GHRL: variants seen among roughly 807,000 people sequenced by gnomAD.
GHRL encodes appetite-regulating hormone.
GHRL carries 24 observed loss-of-function variants against 16.9 expected under a neutral mutation model. That is an observed-to-expected ratio of 1.42 (90% CI 1.03 to 2.00). GHRL has a LOEUF of 2.00. Ranked by LOEUF, GHRL falls within the 30% of genes most tolerant of loss-of-function variation. The pLI, the probability that GHRL is intolerant of heterozygous loss-of-function variation, is 0.00. For synonymous variants in GHRL, 63 were observed against 58.2 expected, an observed-to-expected ratio of 1.08 and a Z score of -0.37; for missense variants, 193 against 142.1, an observed-to-expected ratio of 1.36 and a Z score of -1.82.
rs1179742196 is a variant in GHRL, at chr3:10,291,330, G to T, written c.-644C>A. 2 of 985,400 alleles carry T rather than the reference G, an allele frequency of 2.0e-6. No individual in the cohort carries two copies. The highest frequency in any genetic ancestry group is 2.4e-6 in the Non-Finnish European group (2 of 829,996). 61.0% of individuals were successfully genotyped at this position (985,400 alleles called of 1,614,324 possible). The stretch of plus-strand genomic sequence containing the variant: ...CAGTGGCTATGCTTCAGTCATTTCT[G>T]CCAGGTGTGACATGACTGCCTGGCC... On this transcript the variant is annotated 5_prime_UTR_variant, in exon 2 of 6. Transcript: ENST00000335542.
At chr3:10,289,723 C>T (rs763472764) in intron 4 of GHRL, 39 bp downstream of exon 4, 2 of 1,300,382 alleles carry the variant, frequency 1.5e-6, no homozygotes, top group Admixed American at 3.4e-5. Flanking sequence ...CCCCACCCTC[C>T]TCGCTGCCAC....
intron 1 of GHRL, 164 bp downstream of exon 1, chr3:10,292,678 G>A (rs560755057): frequency 1.7e-6 from 1 of 584,998 alleles, no homozygotes; most frequent in South Asian, 2.2e-5. Context: ...TGGCCCTGGA[G>A]CCCAGAGAGG....
At position 10,290,721 on chromosome 3, in the gene GHRL, G is replaced by C; in HGVS notation, c.-35C>G. 1.0e-6 allele frequency: 1 copy of C among 1,002,006 alleles called. No individual in the cohort carries two copies. The highest frequency in any genetic ancestry group is 1.2e-6 in the Non-Finnish European group (1 of 840,332). 62.1% of individuals were successfully genotyped at this position (1,002,006 alleles called of 1,614,324 possible). ...GGAGAGTAGAGAGAGCTTACCTGCA[G>C]TTCCTGGCGGAGGTGGTGCCTGGTG... On this transcript the variant is annotated 5_prime_UTR_variant, in exon 2 of 6. Transcript: ENST00000335542.
At position 10,290,836 on chromosome 3, in the gene GHRL, A is replaced by G. The variant is rs1699900043; in HGVS notation, c.-150T>C. 7.1e-6 allele frequency: 7 copies of G among 986,482 alleles called. No individual in the cohort carries two copies. Among genetic ancestry groups the G allele is most frequent in the Non-Finnish European group, 7.2e-6 (6 of 830,622 alleles). The allele number at this position is 986,482 out of a possible 1,614,324, so 61.1% of individuals were successfully genotyped here. On this transcript the variant is annotated 5_prime_UTR_variant, in exon 2 of 6. Coordinates refer to ENST00000335542, the MANE Select transcript of GHRL (RefSeq NM_016362.5). ...GGCCTAGCTTCCGTGGGGCTGATGT[A>G]CATTCCTTGGGAACTAAAAATGTTC...
Position 10,292,139 on chromosome 3 carries a change from AG to A in GHRL, c.-765-689del, listed in dbSNP as rs1257025254. 3.3e-5 allele frequency: 5 copies of A among 152,196 alleles called. No homozygotes were observed. The East Asian group carries it at 9.6e-4, about 29-fold the overall frequency. 9.4% of individuals were successfully genotyped at this position (152,196 alleles called of 1,614,324 possible). ...AATGAAAGAGTTGGAAAGACTTTAAAGCTCTGGGAGGCTGAATCCTTTATTT... is the reference window on the plus strand; with the variant it reads ...AATGAAAGAGTTGGAAAGACTTTAAACTCTGGGAGGCTGAATCCTTTATTT... On this transcript the variant is annotated intron_variant, in intron 1 of 5. Transcript: ENST00000335542.
At chr3:10,289,980 A>G in intron 3 of GHRL, 93 bp downstream of exon 3, 1 of 1,525,914 alleles carries the variant, frequency 6.6e-7, no homozygotes, top group South Asian at 1.1e-5. Flanking sequence ...AGAAGACTGA[A>G]GCCCAGAGAT....
rs752643790 is a variant in GHRL, at chr3:10,291,203, G to T, written c.-517C>A. On this transcript the variant is annotated 5_prime_UTR_variant, in exon 2 of 6. Transcript: ENST00000335542. The stretch of plus-strand genomic sequence containing the variant: ...GCCCCGGGAGTCCGCAGGGAGCCAG[G>T]CTGGTGATTCTACACCTTCCCGAGG... The T allele has an allele frequency of 1.5e-4, 149 of 985,530 alleles. No individual in the cohort carries two copies. Among genetic ancestry groups the T allele is most frequent in the Non-Finnish European group, 1.8e-4 (147 of 830,096 alleles). 61.0% of individuals were successfully genotyped at this position (985,530 alleles called of 1,614,324 possible). A position where few individuals can be genotyped will look rare whatever the true frequency, so the allele number is the denominator to read the frequency against.
At position 10,285,910 on chromosome 3, in the gene GHRL, T is replaced by C. The variant is rs373274141; in HGVS notation, c.335-16A>G. Reference sequence around the variant, plus strand: ...GCTGGGGCCTCTGGAAAGCAAGAGGTTGAGTAAGAATGCTGGGTGCACCGT... The same window carrying C: ...GCTGGGGCCTCTGGAAAGCAAGAGGCTGAGTAAGAATGCTGGGTGCACCGT... On this transcript the variant is annotated splice_polypyrimidine_tract_variant and intron_variant, in intron 5 of 5. Coordinates refer to ENST00000335542, the MANE Select transcript of GHRL (RefSeq NM_016362.5). 5.3e-5 allele frequency: 86 copies of C among 1,611,424 alleles called. 1 individual carries two copies. In the South Asian group the frequency reaches 8.5e-4, roughly 16 times the overall value.
intron 1 of GHRL, 157 bp downstream of exon 1, chr3:10,292,685 G>A: frequency 1.7e-6 from 1 of 594,128 alleles, no homozygotes; most frequent in South Asian, 2.1e-5. Flanking sequence ...GGAGCCCAGA[G>A]AGGCTGAATG....
intron 4 of GHRL, among the ~76,000 whole-genome samples, chr3:10,288,662 G>A (rs1005431808): frequency 6.6e-6 from 1 of 152,254 alleles, no homozygotes; most frequent in Non-Finnish European, 1.5e-5. Context: ...TGCTGGTGAG[G>A]ATGAAAGCGA....
chr3:10,286,551 T>C (rs1361689742), intron 5 of GHRL, among the ~76,000 whole-genome samples, 153 bp downstream of exon 5: 1 of 152,208 alleles, frequency 6.6e-6, no homozygotes, highest in African/African-American at 2.4e-5. Flanking sequence ...CACTCACAAA[T>C]ACTAGCCAAC....
At chr3:10,286,676 G>T in intron 5 of GHRL, 28 bp downstream of exon 5, 1 of 1,277,102 alleles carries the variant, frequency 7.8e-7, no homozygotes, top group East Asian at 2.3e-5. Context: ...CAAGGAAACC[G>T]AGCAAACCCA....
chr3:10,292,756 C>T (rs1487891148), intron 1 of GHRL, 86 bp downstream of exon 1: 7 of 782,784 alleles, frequency 8.9e-6, no homozygotes, highest in South Asian at 1.6e-5. Flanking sequence ...TTCAGAGCCA[C>T]CAACCCATAA....
intron 1 of GHRL, among the ~76,000 whole-genome samples, chr3:10,291,890 G>T (rs1350373242): frequency 1.3e-5 from 2 of 152,074 alleles, no homozygotes; most frequent in African/African-American, 2.4e-5. Flanking sequence ...AGGGCTTTGC[G>T]GCAAGCAGAG....
rs745870335 is a variant in GHRL at position 10,286,854 on chromosome 3, C to T, written c.226-42G>A. On this transcript the variant is annotated intron_variant, in intron 4 of 5. Coordinates refer to ENST00000335542, the MANE Select transcript of GHRL (RefSeq NM_016362.5). ...GGAGGACCCAGGAGATGTCAGAGGT[C>T]ATGCCCATCCCCATCTCAAAGGGGG... 6.0e-6 allele frequency: 7 copies of T among 1,160,438 alleles called. No individual in the cohort carries two copies. The East Asian group carries it at 1.6e-4, about 27-fold the overall frequency. The allele number at this position is 1,160,438 out of a possible 1,614,324, so 71.9% of individuals were successfully genotyped here.
rs372217455 is a variant in GHRL, at chr3:10,289,758, C to T, written c.225+4G>A. On this transcript the variant is annotated splice_donor_region_variant and intron_variant, in intron 4 of 5. Transcript: ENST00000335542. The stretch of plus-strand genomic sequence containing the variant: ...CAGAAGCATAAAACTGCAGAGGTAC[C>T]GACCCGGACTTCCAGTTCATCCTCT... 438 of 1,566,078 alleles carry T rather than the reference C, an allele frequency of 2.8e-4. No homozygotes were observed. The highest frequency in any genetic ancestry group is 3.4e-4 in the Non-Finnish European group (383 of 1,136,414).
intron 3 of GHRL, 51 bp downstream of exon 3, chr3:10,290,022 G>C (rs982669377): frequency 1.3e-6 from 2 of 1,599,826 alleles, no homozygotes; most frequent in African/African-American, 2.7e-5. Flanking sequence ...AGAGCTGGTT[G>C]CTAAGTGGCA....
chr3:10,285,956 AC>A, intron 5 of GHRL, 62 bp from the exon 6 acceptor site: 1 of 1,476,146 alleles, frequency 6.8e-7, no homozygotes, highest in Non-Finnish European at 9.5e-7. Flanking sequence ...CTTTTCTTCC[AC>A]GGTGGTGAGA....
At position 10,291,091 on chromosome 3, in the gene GHRL, G is replaced by C; in HGVS notation, c.-405C>G. On this transcript the variant is annotated 5_prime_UTR_variant, in exon 2 of 6. Transcript: ENST00000335542. ...CGCCCTTTCTCCCTGGGTAAAATGA[G>C]GCTGTCATCACTAGGAGAGCTCTGA... 1 of 985,670 alleles carries C rather than the reference G, an allele frequency of 1.0e-6. No individual in the cohort carries two copies. The highest frequency in any genetic ancestry group is 1.2e-6 in the Non-Finnish European group (1 of 830,106). The allele number at this position is 985,670 out of a possible 1,614,324, so 61.1% of individuals were successfully genotyped here.
Sources: gnomAD v4.1 joint callset for allele counts (sites outside exome capture counted in the v4.1 genomes callset) on GRCh38, gnomAD v4.1.1 for gene constraint, MANE v1.5 for transcripts, NCBI Gene and HGNC (gene_info 2026-07-23, HGNC 2026-07-21) for gene names.